Variants in PID1 observed in about 807,000 individuals in gnomAD.
PID1 encodes PTB-containing, cubilin and LRP1-interacting protein.
Under a neutral mutation model 19.1 loss-of-function variants are expected in PID1, and 10 were observed. That is an observed-to-expected ratio of 0.52 (90% CI 0.32 to 0.89). The LOEUF (loss-of-function observed/expected upper bound fraction) is 0.89. Among genes scored for constraint, PID1 ranks in the 40% least tolerant of loss-of-function variants. PID1 has a pLI of 0.03. For missense variants in PID1, 248 were observed against 285.3 expected, an observed-to-expected ratio of 0.87 and a Z score of 0.94; for synonymous variants, 130 against 116.0, an observed-to-expected ratio of 1.12 and a Z score of -0.78.
At chr2:229,166,196 G>C (rs145661682) in intron 1 of PID1, among the ~76,000 whole-genome samples, 32 of 152,148 alleles carry the variant, frequency 2.1e-4, no homozygotes, top group African/African-American at 7.5e-4. Flanking sequence ...ATTATCCTGA[G>C]AACACAAACA....
At chr2:229,094,533 C>T (rs536716240) in intron 2 of PID1, among the ~76,000 whole-genome samples, 7 of 151,934 alleles carry the variant, frequency 4.6e-5, no homozygotes, top group Non-Finnish European at 1.0e-4. Context: ...TGCCTGACTT[C>T]GAATTATACT....
At chr2:229,103,183 G>A (rs1695107849) in intron 2 of PID1, among the ~76,000 whole-genome samples, 1 of 152,138 alleles carries the variant, frequency 6.6e-6, no homozygotes. Context: ...ACCAACATCA[G>A]AGTCCCCCAC....
chr2:229,169,166 T>A (rs537773793), intron 1 of PID1, among the ~76,000 whole-genome samples: 5 of 152,320 alleles, frequency 3.3e-5, no homozygotes, highest in Admixed American at 2.0e-4. Context: ...ACAATTGACT[T>A]TTAAAAATGT....
In PID1 at chr2:229,025,716, G is replaced by C; in HGVS notation, c.570C>G (p.Phe190Leu). The C allele has an allele frequency of 6.2e-7, 1 of 1,614,250 alleles. No individual in the cohort carries two copies. The highest frequency in any genetic ancestry group is 8.5e-7 in the Non-Finnish European group (1 of 1,180,040). The change falls in exon 3 of 3, where the codon TTC (phenylalanine) becomes TTG (leucine). Residue 190 changes from phenylalanine to leucine, a missense_variant. Phe to Leu is a conservative substitution (Grantham distance 22). Transcript: ENST00000392055. ...HAMMEAFRKT[F>L]HSMKSDGRIH... ...TCCGCCCGTCGCTCTTCATACTGTG[G>C]AAAGTCTTCCTGAAGGCCTCCATCA...
chr2:229,163,501 A>ATTTT (rs5839310), intron 1 of PID1, among the ~76,000 whole-genome samples: 1 of 149,310 alleles, frequency 6.7e-6, no homozygotes. Context: ...TCATGGAAGC[A>ATTTT]TTTTTTTTTT....
intron 2 of PID1, among the ~76,000 whole-genome samples, chr2:229,101,160 T>C (rs1006985113): frequency 7.2e-5 from 11 of 152,262 alleles, no homozygotes; most frequent in Non-Finnish European, 8.8e-5. Flanking sequence ...AAAGCATCAA[T>C]ATCCAGTGTC....
At chr2:229,169,664 C>T (rs6752412) in intron 1 of PID1, among the ~76,000 whole-genome samples, 2,452 of 152,226 alleles carry the variant, frequency 0.016, 62 homozygotes, top group African/African-American at 0.056. Context: ...CAGATAATTA[C>T]GTTTTCATGA....
rs559466648 is a variant in PID1 at position 229,077,293 on chromosome 2, C to G, written c.178-51185G>C. 5.3e-5 allele frequency among the ~76,000 whole-genome samples: 8 copies of G among 152,206 alleles called. No individual in the cohort carries two copies. The South Asian group carries it at 1.7e-3, about 32-fold the overall frequency. Reference sequence around the variant, plus strand: ...TAGGTTCTAGATATTAGCCCTTTGTCAGATGGATAGATTGCAAAAATTTTC... The same window carrying G: ...TAGGTTCTAGATATTAGCCCTTTGTGAGATGGATAGATTGCAAAAATTTTC... On this transcript the variant is annotated intron_variant, in intron 2 of 2. Coordinates refer to ENST00000392055, the MANE Select transcript of PID1 (RefSeq NM_001100818.2).
At chr2:229,028,913 C>CA (rs1314907788) in intron 2 of PID1, among the ~76,000 whole-genome samples, 1 of 152,202 alleles carries the variant, frequency 6.6e-6, no homozygotes, top group Non-Finnish European at 1.5e-5. Context: ...TGGCTATTAT[C>CA]AGTTCTACTA....
chr2:229,105,175 C>T (rs1365100055), intron 2 of PID1, among the ~76,000 whole-genome samples: 1 of 152,194 alleles, frequency 6.6e-6, no homozygotes, highest in Admixed American at 6.5e-5. Flanking sequence ...CATAATTTAT[C>T]TCCATTTCAG....
chr2:229,044,299 T>G (rs1364171073), intron 2 of PID1, among the ~76,000 whole-genome samples: 2 of 151,998 alleles, frequency 1.3e-5, no homozygotes, highest in Non-Finnish European at 2.9e-5. Context: ...TAAAGGGCAA[T>G]CTATATCCTG....
intron 2 of PID1, among the ~76,000 whole-genome samples, chr2:229,057,849 TA>T (rs1694135425): frequency 6.6e-6 from 1 of 152,212 alleles, no homozygotes; most frequent in Non-Finnish European, 1.5e-5. Flanking sequence ...CACAGCATTC[TA>T]CCTCCACATT....
At position 229,151,287 on chromosome 2, in the gene PID1, G is replaced by A. The variant is rs558020479; in HGVS notation, c.177+4531C>T. ...ACCCAATGGCAGTGGAATCCGGTGG[G>A]GGGGAGCACAGGCTGTGGAGTCAGA... On this transcript the variant is annotated intron_variant, in intron 2 of 2. Coordinates refer to ENST00000392055, the MANE Select transcript of PID1 (RefSeq NM_001100818.2). Among the ~76,000 whole-genome samples the A allele has an allele frequency of 1.1e-4, 17 of 152,232 alleles. No individual in the cohort carries two copies. The South Asian group carries it at 2.7e-3, about 24-fold the overall frequency.
chr2:229,159,051 T>C (rs1399267009), intron 1 of PID1, among the ~76,000 whole-genome samples: 1 of 152,198 alleles, frequency 6.6e-6, no homozygotes, highest in African/African-American at 2.4e-5. Context: ...TAGGCAATAA[T>C]AACTTAATTG....
chr2:229,134,531 C>T (rs1689819398), intron 2 of PID1, among the ~76,000 whole-genome samples: 1 of 152,032 alleles, frequency 6.6e-6, no homozygotes, highest in South Asian at 2.1e-4. Context: ...CATGAGCCAC[C>T]ACACCTGGCC....
At chr2:229,043,395 A>C (rs1693812419) in intron 2 of PID1, among the ~76,000 whole-genome samples, 1 of 152,188 alleles carries the variant, frequency 6.6e-6, no homozygotes, top group South Asian at 2.1e-4. Flanking sequence ...ATGGATTGTA[A>C]TTTTGAATGG....
At chr2:229,146,946 G>A (rs1378738698) in intron 2 of PID1, among the ~76,000 whole-genome samples, 1 of 152,194 alleles carries the variant, frequency 6.6e-6, no homozygotes, top group African/African-American at 2.4e-5. Flanking sequence ...TGACCCTGCT[G>A]ACACCTGGAT....
chr2:229,093,187 C>G (rs1694909280), intron 2 of PID1, among the ~76,000 whole-genome samples: 1 of 148,870 alleles, frequency 6.7e-6, no homozygotes, highest in Non-Finnish European at 1.5e-5. Context: ...AGCTGGAAAG[C>G]AGTGGCACGA....
intron 2 of PID1, among the ~76,000 whole-genome samples, chr2:229,109,711 A>G (rs898824011): frequency 7.6e-4 from 116 of 152,346 alleles, no homozygotes; most frequent in African/African-American, 2.7e-3. Flanking sequence ...TTTAATTAGA[A>G]TGCATGCATC....
Sources: gnomAD v4.1 joint callset for allele counts (sites outside exome capture counted in the v4.1 genomes callset) on GRCh38, gnomAD v4.1.1 for gene constraint, MANE v1.5 for transcripts, NCBI Gene and HGNC (gene_info 2026-07-23, HGNC 2026-07-21) for gene names.